Variants in RIMS3 observed in about 807,000 individuals in gnomAD.
RIMS3 encodes regulating synaptic membrane exocytosis protein 3.
RIMS3 carries 15 observed loss-of-function variants against 29.2 expected under a neutral mutation model. The observed-to-expected ratio is 0.51, with a 90% CI of 0.34 to 0.79. The LOEUF is 0.79. RIMS3 is among the 30% of genes least tolerant of loss of function. The pLI, the probability that RIMS3 is intolerant of heterozygous loss-of-function variation, is 0.01. For synonymous variants in RIMS3, 161 were observed against 170.1 expected, an observed-to-expected ratio of 0.95 and a Z score of 0.41; for missense variants, 342 against 421.4, an observed-to-expected ratio of 0.81 and a Z score of 1.65.
In RIMS3 at chr1:40,625,143, C is replaced by T. The variant is rs114243295; in HGVS notation, c.*1374G>A. 7.8e-3 allele frequency: 1,195 copies of T among 152,580 alleles called. 5 individuals are homozygous for T. The highest frequency in any genetic ancestry group is 0.013 in the Non-Finnish European group (879 of 68,110). 9.5% of individuals were successfully genotyped at this position (152,580 alleles called of 1,614,324 possible). A position where few individuals can be genotyped will look rare whatever the true frequency, so the allele number is the denominator to read the frequency against. On this transcript the variant is annotated 3_prime_UTR_variant, in exon 8 of 8. Transcript: ENST00000372684. ...AGGGTCCAGTTCAGGCACTGGTCTC[C>T]ACCAACAGGGCCCAGTTGTCAAATC...
intron 1 of RIMS3, among the ~76,000 whole-genome samples, chr1:40,650,186 G>C (rs529149133): frequency 6.6e-6 from 1 of 152,310 alleles, no homozygotes; most frequent in East Asian, 1.9e-4. Context: ...TCAGAACAAG[G>C]TTCCTGAAGG....
At chr1:40,682,740 T>A in the RIMS3 span, among the ~76,000 whole-genome samples, 22 of 102,972 alleles carry the variant, frequency 2.1e-4, no homozygotes, top group Non-Finnish European at 1.4e-4. Context: ...CCTTTGCAGA[T>A]CTTTTTTTTT....
chr1:40,668,586 G>A (rs373288898), upstream of RIMS3, among the ~76,000 whole-genome samples: 1 of 151,324 alleles, frequency 6.6e-6, no homozygotes, highest in Non-Finnish European at 1.5e-5. Flanking sequence ...ATTCGACACT[G>A]AAATAAATTC....
chr1:40,631,305 G>A (rs888783751), intron 5 of RIMS3, among the ~76,000 whole-genome samples: 3 of 152,156 alleles, frequency 2.0e-5, no homozygotes, highest in Non-Finnish European at 2.9e-5. Flanking sequence ...AGGACCAAGC[G>A]TAGGCTTCAG....
At chr1:40,667,876 C>T (rs973967004), upstream of RIMS3, among the ~76,000 whole-genome samples, 3 of 152,178 alleles carry the variant, frequency 2.0e-5, no homozygotes, top group African/African-American at 7.2e-5. Flanking sequence ...TGCCAGTAAT[C>T]CCAAAACTTT....
chr1:40,661,794 C>CG, intron 1 of RIMS3, among the ~76,000 whole-genome samples: 1 of 152,360 alleles, frequency 6.6e-6, no homozygotes, highest in Non-Finnish European at 1.5e-5. Context: ...AACTGCAGAG[C>CG]TGGGATGTGG....
Position 40,636,135 on chromosome 1 carries a change from A to G in RIMS3, c.218-78T>C. On this transcript the variant is annotated intron_variant, in intron 3 of 7. Coordinates refer to ENST00000372684, the MANE Select transcript of RIMS3 (RefSeq NM_014747.3). This position sits in a 1 kb window ranked among gnomAD's most constrained non-coding sequence, Gnocchi z 4.2. ...TGGGGCTTCTCTAAGAGTCCTGCCA[A>G]AGTCACTCTCTTGGCATGGGGGGTT... The G allele has an allele frequency of 5.1e-6, 8 of 1,560,572 alleles. No individual in the cohort carries two copies. Among genetic ancestry groups the G allele is most frequent in the Non-Finnish European group, 3.5e-6 (4 of 1,147,298 alleles).
At chr1:40,629,157 G>C in intron 6 of RIMS3, 114 bp downstream of exon 6, 2 of 1,127,640 alleles carry the variant, frequency 1.8e-6, no homozygotes, top group Non-Finnish European at 2.7e-6. Flanking sequence ...CAGGCAAGCT[G>C]TGACTCCACT....
At chr1:40,691,755 G>A in the RIMS3 span, 1 of 455,450 alleles carries the variant, frequency 2.2e-6, no homozygotes, top group Non-Finnish European at 4.4e-6. Context: ...CGCGCGCTCC[G>A]TTCTCCGTGA....
intron 2 of RIMS3, among the ~76,000 whole-genome samples, chr1:40,646,344 G>A (rs183901246): frequency 6.6e-6 from 1 of 152,320 alleles, no homozygotes; most frequent in African/African-American, 2.4e-5. Context: ...GATGGAAAAG[G>A]GAAGGTGGTG....
intron 7 of RIMS3, among the ~76,000 whole-genome samples, chr1:40,627,876 A>G (rs1416749635): frequency 6.6e-6 from 1 of 151,950 alleles, no homozygotes; most frequent in Non-Finnish European, 1.5e-5. Context: ...AGTCTCTGGG[A>G]TTATGGTTGT....
At chr1:40,676,668 C>G in the RIMS3 span, among the ~76,000 whole-genome samples, 1 of 152,008 alleles carries the variant, frequency 6.6e-6, no homozygotes, top group East Asian at 1.9e-4. Flanking sequence ...AGAATTTGAA[C>G]AAAAAAAGTT....
chr1:40,688,385 T>C, the RIMS3 span, among the ~76,000 whole-genome samples: 2 of 152,194 alleles, frequency 1.3e-5, no homozygotes, highest in African/African-American at 2.4e-5. Context: ...GAATTTACCA[T>C]GATACAAGAA....
intron 2 of RIMS3, among the ~76,000 whole-genome samples, chr1:40,642,367 AG>A (rs1324317873): frequency 6.6e-6 from 1 of 152,208 alleles, no homozygotes; most frequent in Non-Finnish European, 1.5e-5. Context: ...AATAATGCAC[AG>A]GAAGTGCCTG....
Position 40,665,199 on chromosome 1 carries a change from C to T in RIMS3, c.-207+195G>A, listed in dbSNP as rs1642406372. On this transcript the variant is annotated intron_variant, in intron 1 of 7. Transcript: ENST00000372684. ...TTTCCAGGCTTCCCCAAACACCCCA[C>T]GTCCCTCTCTCATCCCTTAGTCCCC... is the stretch of plus-strand genomic sequence containing the variant. Among the ~76,000 whole-genome samples the T allele has an allele frequency of 2.0e-5, 3 of 152,040 alleles. No individual in the cohort carries two copies. In the South Asian group the frequency reaches 6.2e-4, roughly 31 times the overall value.
intron 2 of RIMS3, among the ~76,000 whole-genome samples, chr1:40,643,727 C>A (rs1206089932): frequency 6.6e-6 from 1 of 152,188 alleles, no homozygotes; most frequent in Non-Finnish European, 1.5e-5. Flanking sequence ...GATCCACCCA[C>A]CTCGGCCTCC....
intron 7 of RIMS3, among the ~76,000 whole-genome samples, chr1:40,627,727 G>A (rs1167678853): frequency 6.6e-6 from 1 of 151,858 alleles, no homozygotes; most frequent in African/African-American, 2.4e-5. Context: ...TCAGCACCTC[G>A]AGTAGCTGGG....
At chr1:40,638,040 T>C (rs1646531904) in intron 3 of RIMS3, among the ~76,000 whole-genome samples, 1 of 152,056 alleles carries the variant, frequency 6.6e-6, no homozygotes, top group African/African-American at 2.4e-5. Flanking sequence ...GGGAGCAAAT[T>C]TGCCTTTTTG....
chr1:40,644,031 A>G (rs1250810944), intron 2 of RIMS3, among the ~76,000 whole-genome samples: 1 of 141,744 alleles, frequency 7.1e-6, no homozygotes. Context: ...CAAGGGGGGG[A>G]AGATTTGGAT....
Sources: gnomAD v4.1 joint callset for allele counts (sites outside exome capture counted in the v4.1 genomes callset) on GRCh38, gnomAD v4.1.1 for gene constraint, Gnocchi (gnomAD v3.1) non-coding constraint, MANE v1.5 for transcripts, NCBI Gene and HGNC (gene_info 2026-07-23, HGNC 2026-07-21) for gene names.